Variants in HPCAL1 observed in about 807,000 individuals in gnomAD.
The protein encoded by HPCAL1 is hippocalcin-like protein 1.
A neutral mutation model predicts 17.1 loss-of-function variants in HPCAL1; 8 were observed. The ratio of observed to expected loss-of-function variants is 0.47; its 90% CI spans 0.27 to 0.84. HPCAL1 has a LOEUF of 0.84. Ranked by LOEUF, HPCAL1 falls within the 40% of genes least tolerant of loss-of-function variation. HPCAL1 has a pLI of 0.13. For synonymous variants in HPCAL1, 112 were observed against 111.4 expected (o/e 1.01, Z -0.03); for missense variants, 165 against 271.1 (o/e 0.61, Z 2.75).
intron 3 of HPCAL1, 120 bp downstream of exon 3, chr2:10,420,255 A>G: frequency 1.1e-6 from 1 of 871,474 alleles, no homozygotes; most frequent in Non-Finnish European, 1.6e-6. Flanking sequence ...TGCTCTAGTG[A>G]CTGGAGTGCA....
At position 10,328,654 on chromosome 2, in the gene HPCAL1, C is replaced by T. The variant is rs192093018; in HGVS notation, c.-111+25477C>T. Among the ~76,000 whole-genome samples the T allele has an allele frequency of 1.7e-4, 26 of 152,278 alleles. No homozygotes were observed. In the East Asian group the frequency reaches 4.1e-3, roughly 24 times the overall value. On this transcript the variant is annotated intron_variant, in intron 1 of 4. Coordinates refer to ENST00000307845, the MANE Select transcript of HPCAL1 (RefSeq NM_002149.4). ...TGGGCTTGAGCTGGAGTGACTCCAC[C>T]GGCTCTCCTGAGTCTCCAGCTTGCA...
intron 1 of HPCAL1, among the ~76,000 whole-genome samples, chr2:10,307,643 A>G (rs1046512029): frequency 3.9e-5 from 6 of 152,096 alleles, no homozygotes; most frequent in African/African-American, 1.4e-4. Flanking sequence ...ATCTCTGGAG[A>G]GTTTTGGAGC....
Position 10,398,069 on chromosome 2 carries a change from A to G in HPCAL1, c.-25+1149A>G, listed in dbSNP as rs372286283. On this transcript the variant is annotated intron_variant, in intron 2 of 4. Transcript: ENST00000307845. ...TCCCTCTCATGGTCTCATGACTATTATGGTGACTCTTGTCACTCACCACCC... is the reference window on the plus strand; with the variant it reads ...TCCCTCTCATGGTCTCATGACTATTGTGGTGACTCTTGTCACTCACCACCC... 7.9e-5 allele frequency among the ~76,000 whole-genome samples: 12 copies of G among 152,138 alleles called. 1 individual carries two copies. The highest frequency in any genetic ancestry group is 2.4e-4 in the African/African-American group (10 of 41,516).
intron 1 of HPCAL1, among the ~76,000 whole-genome samples, chr2:10,391,140 G>T (rs1668667085): frequency 6.6e-6 from 1 of 152,234 alleles, no homozygotes; most frequent in Non-Finnish European, 1.5e-5. Context: ...GCCTAGGTTT[G>T]CAGGGCCTGC....
chr2:10,375,268 GTTTTTGT>G (rs956717737), intron 1 of HPCAL1, among the ~76,000 whole-genome samples: 2 of 152,180 alleles, frequency 1.3e-5, no homozygotes, highest in Admixed American at 6.5e-5. Context: ...TTTACAACCT[GTTTTTGT>G]TTTTTGTTTT....
At chr2:10,416,664 G>T (rs1670691871) in intron 2 of HPCAL1, among the ~76,000 whole-genome samples, 1 of 151,380 alleles carries the variant, frequency 6.6e-6, no homozygotes, top group African/African-American at 2.4e-5. Flanking sequence ...CTTCTGTCAG[G>T]TATTTTGGTA....
chr2:10,308,573 A>G (rs1051718448), intron 1 of HPCAL1, among the ~76,000 whole-genome samples: 10 of 152,114 alleles, frequency 6.6e-5, no homozygotes, highest in African/African-American at 2.4e-4. Context: ...GAATCAATTT[A>G]TCCCCCAGCA....
chr2:10,318,357 G>A (rs184803225), intron 1 of HPCAL1, among the ~76,000 whole-genome samples: 9 of 149,662 alleles, frequency 6.0e-5, no homozygotes, highest in Non-Finnish European at 3.0e-5. Context: ...CGTCTTTGCA[G>A]TTATTTCAGG....
At chr2:10,316,123 G>A (rs1356122751) in intron 1 of HPCAL1, among the ~76,000 whole-genome samples, 1 of 152,128 alleles carries the variant, frequency 6.6e-6, no homozygotes, top group Non-Finnish European at 1.5e-5. Context: ...GAACTTGGGC[G>A]TTCACTTCGT....
In HPCAL1 at chr2:10,304,135, G is replaced by A. The variant is rs1662459321; in HGVS notation, c.-111+958G>A. Among the ~76,000 whole-genome samples the A allele has an allele frequency of 6.6e-6, 1 of 152,190 alleles. No homozygotes were observed. Among genetic ancestry groups the A allele is most frequent in the African/African-American group, 2.4e-5 (1 of 41,462 alleles). The stretch of plus-strand genomic sequence containing the variant: ...CTGCCTCCTGCAGCACCTCCCGGGC[G>A]GCGCCGCCTCCGCGAGTGCCCGAGA... On this transcript the variant is annotated intron_variant, in intron 1 of 4. Coordinates refer to ENST00000307845, the MANE Select transcript of HPCAL1 (RefSeq NM_002149.4). The surrounding 1 kb of genome is among the most constrained non-coding windows in gnomAD (Gnocchi z 4.1).
Position 10,342,266 on chromosome 2 carries a change from C to A in HPCAL1, c.-111+39089C>A, listed in dbSNP as rs1164117187. On this transcript the variant is annotated intron_variant, in intron 1 of 4. Coordinates refer to ENST00000307845, the MANE Select transcript of HPCAL1 (RefSeq NM_002149.4). This position sits in a 1 kb window ranked among gnomAD's most constrained non-coding sequence, Gnocchi z 4.1. Reference sequence around the variant, plus strand: ...AGATTTTTCCTTGCTGAGTGGTTATCATTAACCTGTTGAATAAGCAACAGG... The same window carrying A: ...AGATTTTTCCTTGCTGAGTGGTTATAATTAACCTGTTGAATAAGCAACAGG... Among the ~76,000 whole-genome samples the A allele has an allele frequency of 1.3e-5, 2 of 152,150 alleles. No individual in the cohort carries two copies. Among genetic ancestry groups the A allele is most frequent in the Non-Finnish European group, 2.9e-5 (2 of 68,020 alleles).
chr2:10,386,389 T>G (rs1231918196), intron 1 of HPCAL1, among the ~76,000 whole-genome samples: 2 of 152,184 alleles, frequency 1.3e-5, no homozygotes, highest in African/African-American at 2.4e-5. Flanking sequence ...ATTCTTTGGT[T>G]GTTGTTTCAG....
At chr2:10,337,053 G>A (rs146122025) in intron 1 of HPCAL1, among the ~76,000 whole-genome samples, 131 of 152,250 alleles carry the variant, frequency 8.6e-4, no homozygotes, top group Non-Finnish European at 1.6e-3. Flanking sequence ...GGACCCGGCA[G>A]GAACAATATA....
rs79213254 is a variant in HPCAL1, at chr2:10,343,173, A to G, written c.-111+39996A>G. 0.02 allele frequency among the ~76,000 whole-genome samples: 3,109 copies of G among 152,156 alleles called. 50 individuals are homozygous for G. The highest frequency in any genetic ancestry group is 0.037 in the Admixed American group (560 of 15,298). The stretch of plus-strand genomic sequence containing the variant: ...CTGTCACAATATTAAAATAACTTCC[A>G]TGGTAGTTGGTAAATAGCCCCATCA... On this transcript the variant is annotated intron_variant, in intron 1 of 4. Transcript: ENST00000307845. This position sits in a 1 kb window ranked among gnomAD's most constrained non-coding sequence, Gnocchi z 4.8.
At chr2:10,352,260 C>G (rs1558479433) in intron 1 of HPCAL1, among the ~76,000 whole-genome samples, 1 of 152,126 alleles carries the variant, frequency 6.6e-6, no homozygotes, top group Admixed American at 6.5e-5. Flanking sequence ...ACCTCCCACT[C>G]ACCTTCCCTC....
At chr2:10,424,701 G>A (rs1671293898) in intron 4 of HPCAL1, 4 of 459,070 alleles carry the variant, frequency 8.7e-6, no homozygotes, top group Non-Finnish European at 1.8e-5. Flanking sequence ...GGACCCGCCT[G>A]TCCCTGGAGC....
chr2:10,399,521 CACCGCCACT>C lies in HPCAL1; in HGVS notation c.-25+2602_-25+2610del, dbSNP rs1558518659. ...TCACCATCACCACCACCGCCGCCAC[CACCGCCACT>C]GCCACCGCCACCATCACCGCCACCA... On this transcript the variant is annotated intron_variant, in intron 2 of 4. Transcript: ENST00000307845. 1.2e-4 allele frequency among the ~76,000 whole-genome samples: 15 copies of C among 126,936 alleles called. 1 individual carries two copies. Among genetic ancestry groups the C allele is most frequent in the South Asian group, 2.6e-4 (1 of 3,892 alleles). The allele number at this position is 126,936 out of a possible 152,430, so 83.3% of individuals were successfully genotyped here.
chr2:10,399,826 G>A (rs1022543467), intron 2 of HPCAL1, among the ~76,000 whole-genome samples: 3 of 152,050 alleles, frequency 2.0e-5, no homozygotes, highest in East Asian at 3.9e-4. Flanking sequence ...CCCTCTCCAC[G>A]TCCCCAGACA....
In HPCAL1 at chr2:10,419,664, T is replaced by A. The variant is rs961745736; in HGVS notation, c.-24-70T>A. 21 of 1,457,652 alleles carry A rather than the reference T, an allele frequency of 1.4e-5. No homozygotes were observed. Among genetic ancestry groups the A allele is most frequent in the Non-Finnish European group, 1.8e-5 (20 of 1,094,124 alleles). 90.3% of individuals were successfully genotyped at this position (1,457,652 alleles called of 1,614,324 possible). On this transcript the variant is annotated intron_variant, in intron 2 of 4. Transcript: ENST00000307845. The surrounding 1 kb of genome is among the most constrained non-coding windows in gnomAD (Gnocchi z 5.0). ...TGCACAGCGATGGGCTTATTTGGTC[T>A]CTCCGGCACATGGCTCAGCCCTGCT...
Sources: allele counts gnomAD v4.1 joint callset (sites outside exome capture counted in the v4.1 genomes callset), GRCh38; gene constraint gnomAD v4.1.1; non-coding constraint Gnocchi (gnomAD v3.1); transcripts MANE v1.5; gene names NCBI Gene and HGNC (gene_info 2026-07-23, HGNC 2026-07-21).